Variants in FAM20B observed in about 807,000 individuals in gnomAD.
The protein encoded by FAM20B is FAM20B glycosaminoglycan xylosylkinase.
Under a neutral mutation model 43.8 loss-of-function variants are expected in FAM20B, and 23 were observed. The observed-to-expected ratio is 0.53, with a 90% CI of 0.38 to 0.74. FAM20B has a LOEUF of 0.74. Ranked by LOEUF, FAM20B falls within the 30% of genes least tolerant of loss-of-function variation. The pLI, the probability that FAM20B is intolerant of heterozygous loss-of-function variation, is 0.00. For synonymous variants in FAM20B, 178 were observed against 192.4 expected, an observed-to-expected ratio of 0.93 and a Z score of 0.62; for missense variants, 440 against 510.5, an observed-to-expected ratio of 0.86 and a Z score of 1.33.
At position 179,034,163 on chromosome 1, in the gene FAM20B, A is replaced by C. The variant is rs1473497106; in HGVS notation, c.-134+8065A>C. Among the ~76,000 whole-genome samples, 6 of 152,186 alleles carry C rather than the reference A, an allele frequency of 3.9e-5. No individual in the cohort carries two copies. The East Asian group carries it at 9.6e-4, about 24-fold the overall frequency. ...TTCACCTGGGGTGACCAGGATAGCC[A>C]AGGGTTGGCTGGACCTCTCTCCATA... On this transcript the variant is annotated intron_variant, in intron 1 of 7. Transcript: ENST00000263733.
At chr1:179,048,461 C>T (rs569185968) in intron 2 of FAM20B, among the ~76,000 whole-genome samples, 7 of 152,320 alleles carry the variant, frequency 4.6e-5, no homozygotes, top group South Asian at 2.1e-4. Flanking sequence ...TTTTACTCTG[C>T]GCAGCCTTTA....
chr1:179,021,060 G>T (rs149733397), upstream of FAM20B, among the ~76,000 whole-genome samples: 78 of 152,212 alleles, frequency 5.1e-4, no homozygotes, highest in African/African-American at 1.7e-3. Flanking sequence ...GACAGAGGGA[G>T]ACTTTGTCTC....
At chr1:179,019,904 C>T in the FAM20B span, among the ~76,000 whole-genome samples, 3 of 152,314 alleles carry the variant, frequency 2.0e-5, no homozygotes, top group East Asian at 3.9e-4. Flanking sequence ...GATCTCCCTG[C>T]CTACATGCCA....
chr1:179,059,074 A>T (rs1651349789), intron 4 of FAM20B, among the ~76,000 whole-genome samples: 1 of 152,332 alleles, frequency 6.6e-6, no homozygotes, highest in Middle Eastern at 3.4e-3. Flanking sequence ...ATCATTTAGG[A>T]GCTAAAGCCT....
upstream of FAM20B, among the ~76,000 whole-genome samples, chr1:179,024,832 A>G (rs1265020998): frequency 6.6e-6 from 1 of 152,220 alleles, no homozygotes; most frequent in Non-Finnish European, 1.5e-5. Context: ...AATCCTTACA[A>G]CAACCCTGTG....
At chr1:179,033,903 G>A (rs1451825463) in intron 1 of FAM20B, among the ~76,000 whole-genome samples, 1 of 152,158 alleles carries the variant, frequency 6.6e-6, no homozygotes, top group East Asian at 1.9e-4. Context: ...ATGTTGGCCA[G>A]GCTGGTCTCA....
Position 179,026,467 on chromosome 1 carries a change from C to T in FAM20B, c.-134+369C>T, listed in dbSNP as rs539614530. ...TCCTTCTAGTGACCGTCTCTCGTCC[C>T]CTTGCGCGGTCCCCAGAGGCGATTG... is the stretch of plus-strand genomic sequence containing the variant. On this transcript the variant is annotated intron_variant, in intron 1 of 7. Coordinates refer to ENST00000263733, the MANE Select transcript of FAM20B (RefSeq NM_014864.4). 3.9e-5 allele frequency among the ~76,000 whole-genome samples: 6 copies of T among 152,244 alleles called. No individual in the cohort carries two copies. The East Asian group carries it at 1.2e-3, about 30-fold the overall frequency.
Position 179,044,079 on chromosome 1 carries a change from C to T in FAM20B, c.232C>T (p.Pro78Ser). 1 of 1,613,998 alleles carries T rather than the reference C, an allele frequency of 6.2e-7. No individual in the cohort carries two copies. Among genetic ancestry groups the T allele is most frequent in the Middle Eastern group, 1.7e-4 (1 of 6,058 alleles). The change falls in exon 2 of 8, where the codon CCT (proline) becomes TCT (serine). Residue 78 changes from proline (P) to serine (S), a missense_variant. Pro to Ser is a moderately conservative substitution (Grantham distance 74). Transcript: ENST00000263733. ...AQWVVPREVY[P>S]EETPELGAVM... The stretch of plus-strand genomic sequence containing the variant: ...GTGGGTGGTTCCCCGGGAAGTGTAC[C>T]CTGAAGAGACACCAGAGCTGGGGGC...
intron 1 of FAM20B, among the ~76,000 whole-genome samples, chr1:179,032,113 T>C (rs1470436561): frequency 6.6e-6 from 1 of 152,170 alleles, no homozygotes; most frequent in African/African-American, 2.4e-5. Flanking sequence ...CTCTTAGTAA[T>C]GCAATGTGTG....
the FAM20B span, among the ~76,000 whole-genome samples, chr1:179,019,176 T>C: frequency 6.6e-6 from 1 of 152,176 alleles, no homozygotes; most frequent in Non-Finnish European, 1.5e-5. Flanking sequence ...CTAGAAATAA[T>C]ATTTATCTGG....
At chr1:179,038,861 G>A (rs1650360281) in intron 1 of FAM20B, among the ~76,000 whole-genome samples, 1 of 152,140 alleles carries the variant, frequency 6.6e-6, no homozygotes, top group South Asian at 2.1e-4. Context: ...CAGGTGGCAG[G>A]GAATAATTAG....
intron 4 of FAM20B, among the ~76,000 whole-genome samples, chr1:179,056,846 CATT>C (rs1006896101): frequency 1.3e-5 from 2 of 152,100 alleles, no homozygotes; most frequent in African/African-American, 4.8e-5. Context: ...AGGTGTATCT[CATT>C]GTTTTAGTTT....
chr1:179,034,371 A>G (rs997722194), intron 1 of FAM20B, among the ~76,000 whole-genome samples: 1 of 152,126 alleles, frequency 6.6e-6, no homozygotes, highest in African/African-American at 2.4e-5. Flanking sequence ...GAGGAAAAAC[A>G]GACTCCACCT....
At position 179,074,710 on chromosome 1, in the gene FAM20B, T is replaced by C. The variant is rs1353103607; in HGVS notation, c.*2566T>C. 1 of 152,242 alleles carries C rather than the reference T, an allele frequency of 6.6e-6. No homozygotes were observed. Among genetic ancestry groups the C allele is most frequent in the Non-Finnish European group, 1.5e-5 (1 of 68,040 alleles). The allele number at this position is 152,242 out of a possible 1,614,324, so 9.4% of individuals were successfully genotyped here. A position where few individuals can be genotyped will look rare whatever the true frequency, so the allele number is the denominator to read the frequency against. On this transcript the variant is annotated 3_prime_UTR_variant, in exon 8 of 8. Transcript: ENST00000263733. ...AATTTTCATCTATAAAATTTAGAAC[T>C]CTAATCCATAAAGTTAGAATTGAGC...
At chr1:179,018,453 C>T in the FAM20B span, among the ~76,000 whole-genome samples, 2 of 151,986 alleles carry the variant, frequency 1.3e-5, no homozygotes, top group Non-Finnish European at 2.9e-5. Flanking sequence ...ATTATGGGTG[C>T]CCACCATCAC....
intron 1 of FAM20B, among the ~76,000 whole-genome samples, chr1:179,032,498 G>T (rs1650057448): frequency 6.6e-6 from 1 of 151,874 alleles, no homozygotes; most frequent in African/African-American, 2.4e-5. Flanking sequence ...CAGAAACTGA[G>T]ACCCAGAGAG....
chr1:179,050,847 C>T (rs1322409174), intron 3 of FAM20B, among the ~76,000 whole-genome samples: 1 of 152,300 alleles, frequency 6.6e-6, no homozygotes, highest in Admixed American at 6.5e-5. Flanking sequence ...AAGGGCCAGG[C>T]GTAGTGGCTC....
chr1:179,039,865 C>T (rs1313926100), intron 1 of FAM20B, among the ~76,000 whole-genome samples: 1 of 152,040 alleles, frequency 6.6e-6, no homozygotes, highest in Non-Finnish European at 1.5e-5. Flanking sequence ...TTTTCCTAGG[C>T]AGAGGACCCT....
intron 2 of FAM20B, among the ~76,000 whole-genome samples, chr1:179,046,856 T>C (rs1650794461): frequency 6.6e-6 from 1 of 151,304 alleles, no homozygotes; most frequent in African/African-American, 2.4e-5. Context: ...TACAAAAAAT[T>C]AGCTAGGCAC....
Sources: allele counts gnomAD v4.1 joint callset (sites outside exome capture counted in the v4.1 genomes callset), GRCh38; gene constraint gnomAD v4.1.1; transcripts MANE v1.5; gene names NCBI Gene and HGNC (gene_info 2026-07-23, HGNC 2026-07-21).